DSTYK: variants seen among roughly 807,000 people sequenced by gnomAD.
The protein encoded by DSTYK is RIP-homologous kinase.
In DSTYK, 34 loss-of-function variants were observed where a neutral mutation model predicts 98.7. The observed-to-expected ratio is 0.34, with a 90% CI of 0.26 to 0.46. The LOEUF is 0.46. Ranked by LOEUF, DSTYK falls within the 20% of genes least tolerant of loss-of-function variation. The pLI, the probability that DSTYK is intolerant of heterozygous loss-of-function variation, is 1.00. For synonymous variants in DSTYK, 462 were observed against 457.3 expected, an observed-to-expected ratio of 1.01 and a Z score of -0.13; for missense variants, 962 against 1,181.7, an observed-to-expected ratio of 0.81 and a Z score of 2.73.
chr1:205,181,060 T>C (rs1057471344), intron 2 of DSTYK, among the ~76,000 whole-genome samples: 1 of 152,238 alleles, frequency 6.6e-6, no homozygotes, highest in African/African-American at 2.4e-5. Context: ...ATCACTTCAG[T>C]TTCCTTTTTT....
chr1:205,185,600 A>G (rs2102447362), intron 2 of DSTYK, among the ~76,000 whole-genome samples: 1 of 152,374 alleles, frequency 6.6e-6, no homozygotes, highest in East Asian at 1.9e-4. Context: ...ATGAAGTCGA[A>G]GAGAGAAGAA....
chr1:205,179,676 C>G (rs1190021300), intron 2 of DSTYK, among the ~76,000 whole-genome samples: 3 of 147,932 alleles, frequency 2.0e-5, no homozygotes, highest in Non-Finnish European at 4.4e-5. Context: ...ACAATTCTAG[C>G]TAGGGTTCTG....
Position 205,187,414 on chromosome 1 carries a change from G to C in DSTYK, c.654+4C>G. 1 of 1,601,286 alleles carries C rather than the reference G, an allele frequency of 6.2e-7. No homozygotes were observed. Among genetic ancestry groups the C allele is most frequent in the Non-Finnish European group, 8.5e-7 (1 of 1,171,908 alleles). ...CAATTGGTATAGAAGTATGAGATTG[G>C]TACCTGTAAGAGAGCATGGTGCATC... is the stretch of plus-strand genomic sequence containing the variant. On this transcript the variant is annotated splice_donor_region_variant and intron_variant, in intron 2 of 12. Coordinates refer to ENST00000367162, the MANE Select transcript of DSTYK (RefSeq NM_015375.3).
chr1:205,155,110 A>G (rs1231145899), intron 10 of DSTYK, among the ~76,000 whole-genome samples: 2 of 151,882 alleles, frequency 1.3e-5, no homozygotes, highest in African/African-American at 4.8e-5. Context: ...TCAGCCTCCC[A>G]AGTAGCTGGG....
In DSTYK at chr1:205,192,843, CAA is replaced by C. The variant is rs113158509; in HGVS notation, c.266-5039_266-5038del. On this transcript the variant is annotated intron_variant, in intron 1 of 12. Transcript: ENST00000367162. ...CGCCATTGCACTCCAGTCTGAGTGA[CAA>C]GAGCGAAACTCCATTTCAAAAAGAA... Among the ~76,000 whole-genome samples, 1,303 of 152,208 alleles carry C rather than the reference CAA, an allele frequency of 8.6e-3. 22 individuals carry two copies. The highest frequency in any genetic ancestry group is 0.03 in the African/African-American group (1,247 of 41,518).
At chr1:205,193,308 T>C (rs1558622281) in intron 1 of DSTYK, among the ~76,000 whole-genome samples, 1 of 152,216 alleles carries the variant, frequency 6.6e-6, no homozygotes, top group Non-Finnish European at 1.5e-5. Flanking sequence ...TTAAGATACA[T>C]ACTTTATTTA....
In DSTYK at chr1:205,169,033, G is replaced by A; in HGVS notation, c.1324+130C>T. The stretch of plus-strand genomic sequence containing the variant: ...TTGGCTAAATAGTGGGCTCCTGCTG[G>A]TAACAGTGGGGTGGATGAAGTTACC... On this transcript the variant is annotated intron_variant, in intron 3 of 12. Transcript: ENST00000367162. This position sits in a 1 kb window ranked among gnomAD's most constrained non-coding sequence, Gnocchi z 4.0. 1 of 775,808 alleles carries A rather than the reference G, an allele frequency of 1.3e-6. No homozygotes were observed. The highest frequency in any genetic ancestry group is 1.9e-5 in the South Asian group (1 of 51,458). The allele number at this position is 775,808 out of a possible 1,614,324, so 48.1% of individuals were successfully genotyped here.
Position 205,211,434 on chromosome 1 carries a change from G to A in DSTYK, c.102C>T (p.Tyr34=), listed in dbSNP as rs1161857444. 6.2e-7 allele frequency: 1 copy of A among 1,605,816 alleles called. No individual in the cohort carries two copies. The highest frequency in any genetic ancestry group is 1.1e-5 in the South Asian group (1 of 90,456). The part of the protein sequence containing the change: ...IRELCRGFGR[Y]RRYLGRLRQN... ...GTCGCAGCCGTCCCAGGTAGCGGCG[G>A]TAGCGGCCGAAGCCCCGGCACAGCT... The change falls in exon 1 of 13, where the codon TAC becomes TAT. Residue 34 remains tyrosine, a synonymous_variant. Transcript: ENST00000367162.
intron 8 of DSTYK, 131 bp downstream of exon 8, chr1:205,159,983 G>T: frequency 1.8e-6 from 2 of 1,082,876 alleles, no homozygotes; most frequent in Non-Finnish European, 2.8e-6. Context: ...CTGAAAGGGA[G>T]CACATGTCTG....
At chr1:205,180,488 A>AT (rs1002074252) in intron 2 of DSTYK, among the ~76,000 whole-genome samples, 5 of 151,916 alleles carry the variant, frequency 3.3e-5, no homozygotes, top group African/African-American at 1.2e-4. Flanking sequence ...TTATTTAGTT[A>AT]TTTTTTGAGA....
intron 1 of DSTYK, among the ~76,000 whole-genome samples, chr1:205,195,887 G>C (rs1422299196): frequency 6.6e-6 from 1 of 152,224 alleles, no homozygotes. Context: ...CACTACCGAG[G>C]GAACAGAATC....
At chr1:205,154,056 C>CATGT (rs138660930) in intron 10 of DSTYK, among the ~76,000 whole-genome samples, 2 of 143,456 alleles carry the variant, frequency 1.4e-5, no homozygotes, top group Non-Finnish European at 3.0e-5. Flanking sequence ...AGTATGCACA[C>CATGT]GTGTGTGTGT....
intron 2 of DSTYK, among the ~76,000 whole-genome samples, 186 bp downstream of exon 2, chr1:205,187,232 G>A (rs752351016): frequency 3.3e-5 from 5 of 152,220 alleles, no homozygotes; most frequent in African/African-American, 4.8e-5. Context: ...GTAAGGAGAG[G>A]CAGGAATGGG....
chr1:205,202,762 T>A, intron 1 of DSTYK: 1 of 657,252 alleles, frequency 1.5e-6, no homozygotes, highest in South Asian at 1.7e-5. Flanking sequence ...TTAAAGTAAA[T>A]ACAATTAAAT....
At chr1:205,209,778 A>G (rs1558631531) in intron 1 of DSTYK, among the ~76,000 whole-genome samples, 1 of 152,142 alleles carries the variant, frequency 6.6e-6, no homozygotes, top group Non-Finnish European at 1.5e-5. Flanking sequence ...AAGTCAGAAC[A>G]ATTCATCCAG....
intron 10 of DSTYK, among the ~76,000 whole-genome samples, chr1:205,154,270 T>A (rs1657493571): frequency 6.6e-6 from 1 of 152,124 alleles, no homozygotes; most frequent in Non-Finnish European, 1.5e-5. Flanking sequence ...AAGCTTTAAG[T>A]CTCACACACC....
intron 1 of DSTYK, among the ~76,000 whole-genome samples, chr1:205,199,765 T>C (rs755227728): frequency 6.2e-4 from 94 of 152,140 alleles, no homozygotes; most frequent in Non-Finnish European, 1.1e-3. Context: ...AACCCCGTCA[T>C]CCCTAGAGGC....
At chr1:205,181,653 G>GGGGTGT (rs758360038) in intron 2 of DSTYK, among the ~76,000 whole-genome samples, 1,268 of 83,994 alleles carry the variant, frequency 0.015, 21 homozygotes, top group East Asian at 0.069. Context: ...CAGATGTTGG[G>GGGGTGT]GTTTGTGTGT....
intron 1 of DSTYK, among the ~76,000 whole-genome samples, chr1:205,193,430 T>C (rs1310229439): frequency 6.6e-6 from 1 of 152,234 alleles, no homozygotes; most frequent in Non-Finnish European, 1.5e-5. Flanking sequence ...TGCTTTGGCA[T>C]GCTGAGCACT....
Sources: allele counts gnomAD v4.1 joint callset (sites outside exome capture counted in the v4.1 genomes callset), GRCh38; gene constraint gnomAD v4.1.1; non-coding constraint Gnocchi (gnomAD v3.1); transcripts MANE v1.5; gene names NCBI Gene and HGNC (gene_info 2026-07-23, HGNC 2026-07-21).